Variants in VPS13B observed in about 807,000 individuals in gnomAD.
VPS13B encodes the protein intermembrane lipid transfer protein VPS13B.
Under a neutral mutation model 426.4 loss-of-function variants are expected in VPS13B, and 285 were observed. That is an observed-to-expected ratio of 0.67 (90% CI 0.61 to 0.74). The LOEUF (loss-of-function observed/expected upper bound fraction) is 0.74, where lower values mean the gene tolerates loss of function less well. Ranked by LOEUF, VPS13B falls within the 30% of genes least tolerant of loss-of-function variation. The pLI is 0.00. For synonymous variants in VPS13B, 1,676 were observed against 1,676.4 expected, an observed-to-expected ratio of 1.00 and a Z score of 0.01; for missense variants, 4,537 against 4,782.6, an observed-to-expected ratio of 0.95 and a Z score of 1.51.
intron 2 of VPS13B, among the ~76,000 whole-genome samples, chr8:99,017,034 A>G (rs558764325): frequency 1.3e-5 from 2 of 152,310 alleles, no homozygotes; most frequent in African/African-American, 4.8e-5. Context: ...CAATTTATCA[A>G]TCTTTTCCCT....
At chr8:99,845,254 T>A (rs1172856538) in intron 54 of VPS13B, among the ~76,000 whole-genome samples, 1 of 152,158 alleles carries the variant, frequency 6.6e-6, no homozygotes, top group Non-Finnish European at 1.5e-5. Flanking sequence ...GCTAAATGCC[T>A]AGTGTGTGTC....
chr8:99,163,998 G>C (rs1012231463), intron 15 of VPS13B, among the ~76,000 whole-genome samples: 1 of 152,204 alleles, frequency 6.6e-6, no homozygotes, highest in Non-Finnish European at 1.5e-5. Context: ...AATTGCTGTT[G>C]GGAATTTGGC....
At chr8:99,106,257 C>A (rs568304548) in intron 5 of VPS13B, among the ~76,000 whole-genome samples, 41 of 151,424 alleles carry the variant, frequency 2.7e-4, no homozygotes, top group Non-Finnish European at 4.7e-4. Flanking sequence ...CATGGTGAAA[C>A]ACCATCTCTA....
intron 17 of VPS13B, among the ~76,000 whole-genome samples, chr8:99,260,319 T>C (rs546064800): frequency 6.6e-6 from 1 of 152,130 alleles, no homozygotes; most frequent in South Asian, 2.1e-4. Flanking sequence ...CCTGACAAAA[T>C]AGATGTGAGA....
intron 43 of VPS13B, among the ~76,000 whole-genome samples, chr8:99,788,192 CTA>C (rs1276101082): frequency 3.4e-5 from 5 of 149,058 alleles, no homozygotes; most frequent in Non-Finnish European, 5.9e-5. Context: ...GACCCAATCT[CTA>C]TAAAAAAACT....
At chr8:99,373,284 C>T (rs1309735879) in intron 19 of VPS13B, among the ~76,000 whole-genome samples, 1 of 150,164 alleles carries the variant, frequency 6.7e-6, no homozygotes, top group Non-Finnish European at 1.5e-5. Context: ...ACCTATGTAA[C>T]AAACCTGCGT....
chr8:99,866,437 C>A (rs767651890), intron 58 of VPS13B, among the ~76,000 whole-genome samples: 5 of 152,224 alleles, frequency 3.3e-5, no homozygotes, highest in Non-Finnish European at 4.4e-5. Flanking sequence ...CCTCAAAGGT[C>A]TGCTGCTGAG....
chr8:99,649,454 T>C (rs1829718233), intron 34 of VPS13B, among the ~76,000 whole-genome samples: 1 of 152,164 alleles, frequency 6.6e-6, no homozygotes, highest in South Asian at 2.1e-4. Flanking sequence ...AATTTTTCAC[T>C]TCTAAAATTT....
intron 60 of VPS13B, chr8:99,871,170 T>G (rs1817389644): frequency 1.7e-6 from 1 of 603,098 alleles, no homozygotes; most frequent in African/African-American, 1.9e-5. Context: ...TGAGATTCCC[T>G]GTGGAACCAG....
intron 30 of VPS13B, among the ~76,000 whole-genome samples, chr8:99,523,376 A>G (rs1822478196): frequency 6.6e-6 from 1 of 152,198 alleles, no homozygotes; most frequent in Non-Finnish European, 1.5e-5. Flanking sequence ...AACACAGGCC[A>G]TAGCCAGGCA....
intron 15 of VPS13B, among the ~76,000 whole-genome samples, chr8:99,161,492 G>T (rs1811647220): frequency 1.3e-5 from 2 of 152,122 alleles, no homozygotes; most frequent in Admixed American, 1.3e-4. Flanking sequence ...TTGTCAATAT[G>T]TTAAAACTCA....
chr8:99,868,729 A>G (rs975284784), intron 59 of VPS13B, among the ~76,000 whole-genome samples: 3 of 152,236 alleles, frequency 2.0e-5, no homozygotes, highest in Non-Finnish European at 4.4e-5. Context: ...TAACCAGTTT[A>G]GAGGTTGAGG....
intron 54 of VPS13B, among the ~76,000 whole-genome samples, chr8:99,843,400 T>C (rs964312630): frequency 2.6e-5 from 4 of 152,136 alleles, no homozygotes; most frequent in African/African-American, 9.7e-5. Context: ...ATTATTTTTT[T>C]CCCCACACAC....
rs1813586525 is a variant in VPS13B at position 99,809,434 on chromosome 8, G to A, written c.8001G>A (p.Val2667=). Residue 2667 remains valine (V), a synonymous_variant, in exon 44 of 62, where the codon GTG becomes GTA. Coordinates refer to ENST00000357162, the MANE Select transcript of VPS13B (RefSeq NM_152564.5). The part of the protein sequence containing the change: ...GNWRWSEPFS[V]DHAGTFIRTI... ...GGCGTTGGTCAGAGCCTTTCAGTGT[G>A]GACCATGCCGGGACTTTTATTAGAA... 8.1e-6 allele frequency: 13 copies of A among 1,613,958 alleles called. No homozygotes were observed. The highest frequency in any genetic ancestry group is 1.1e-5 in the Non-Finnish European group (13 of 1,179,954).
At chr8:99,323,440 G>A (rs1810087286) in intron 19 of VPS13B, among the ~76,000 whole-genome samples, 1 of 152,124 alleles carries the variant, frequency 6.6e-6, no homozygotes, top group Admixed American at 6.5e-5. Flanking sequence ...GCCCAGTGAA[G>A]AAAGAACTCC....
At chr8:99,028,290 C>T (rs1183122786) in intron 2 of VPS13B, among the ~76,000 whole-genome samples, 12 of 151,260 alleles carry the variant, frequency 7.9e-5, no homozygotes, top group East Asian at 2.0e-4. Flanking sequence ...TAGGGGCAGC[C>T]GGGCAGAGGT....
chr8:99,715,674 G>A (rs957690903), intron 36 of VPS13B, among the ~76,000 whole-genome samples: 5 of 152,122 alleles, frequency 3.3e-5, no homozygotes, highest in Non-Finnish European at 5.9e-5. Context: ...TGTCACTGTG[G>A]GGTTGTACAA....
intron 44 of VPS13B, among the ~76,000 whole-genome samples, chr8:99,816,491 G>C (rs975886726): frequency 2.0e-5 from 3 of 152,146 alleles, no homozygotes; most frequent in Non-Finnish European, 4.4e-5. Flanking sequence ...GGATAAATCT[G>C]TGTGTTTATA....
intron 19 of VPS13B, among the ~76,000 whole-genome samples, chr8:99,322,996 A>G (rs1189709226): frequency 6.6e-6 from 1 of 152,232 alleles, no homozygotes; most frequent in Non-Finnish European, 1.5e-5. Context: ...GGACATAGTT[A>G]TCCAACATTG....
Sources: allele counts gnomAD v4.1 joint callset (sites outside exome capture counted in the v4.1 genomes callset), GRCh38; gene constraint gnomAD v4.1.1; transcripts MANE v1.5; gene names NCBI Gene and HGNC (gene_info 2026-07-23, HGNC 2026-07-21).